The following CD3G variants were observed in gnomAD, a reference collection of about 807,000 sequenced individuals.
The protein encoded by CD3G is T-cell surface glycoprotein CD3 gamma chain.
A neutral mutation model predicts 28.3 loss-of-function variants in CD3G; 24 were observed. The ratio of observed to expected loss-of-function variants is 0.85; its 90% CI spans 0.61 to 1.19. The LOEUF (loss-of-function observed/expected upper bound fraction) is 1.19, where lower values mean the gene tolerates loss of function less well. Ranked by LOEUF, CD3G falls within the 50% of genes most tolerant of loss-of-function variation. The pLI, the probability that CD3G is intolerant of heterozygous loss-of-function variation, is 0.00. For synonymous variants in CD3G, 71 were observed against 75.9 expected (o/e 0.93, Z 0.34); for missense variants, 211 against 210.0 (o/e 1.00, Z -0.03).
intron 4 of CD3G, chr11:118,350,997 G>A (rs1163280176): frequency 1.1e-5 from 6 of 529,764 alleles, no homozygotes; most frequent in African/African-American, 2.0e-5. Context: ...GACCATCCTG[G>A]CTAGCACGGT....
At chr11:118,344,970 T>G (rs1205000523) in intron 1 of CD3G, among the ~76,000 whole-genome samples, 1 of 152,180 alleles carries the variant, frequency 6.6e-6, no homozygotes, top group Non-Finnish European at 1.5e-5. Context: ...ATAGTCTCAT[T>G]GGAGAGATTA....
At chr11:118,350,063 C>A (rs1948392565) in intron 3 of CD3G, 93 bp downstream of exon 3, 3 of 909,114 alleles carry the variant, frequency 3.3e-6, no homozygotes, top group African/African-American at 3.3e-5. Context: ...GGAAATAGAT[C>A]CTCAACAGTA....
chr11:118,346,587 G>A (rs900000493), intron 1 of CD3G, among the ~76,000 whole-genome samples: 5 of 152,136 alleles, frequency 3.3e-5, no homozygotes, highest in African/African-American at 1.2e-4. Flanking sequence ...AGGCTAGGGA[G>A]GGAGGATCAT....
chr11:118,346,752 G>A (rs1269947445), intron 1 of CD3G, among the ~76,000 whole-genome samples: 1 of 149,134 alleles, frequency 6.7e-6, no homozygotes, highest in Admixed American at 6.8e-5. Flanking sequence ...GCTTGAGGCT[G>A]CAGTGAGCCA....
At position 118,349,835 on chromosome 11, in the gene CD3G, G is replaced by C; in HGVS notation, c.172G>C (p.Asp58His). The C allele has an allele frequency of 6.2e-7, 1 of 1,614,108 alleles. No individual in the cohort carries two copies. The change falls in exon 3 of 7, where the codon GAT (aspartate) becomes CAT (histidine). Residue 58 changes from aspartate (D) to histidine (H), a missense_variant. Transcript: ENST00000532917. The part of the protein sequence containing the change: ...AEAKNITWFK[D>H]GKMIGFLTED... ...AGCCAAAAATATCACATGGTTTAAAGATGGGAAGATGATCGGCTTCCTAAC... is the reference window on the plus strand; with the variant it reads ...AGCCAAAAATATCACATGGTTTAAACATGGGAAGATGATCGGCTTCCTAAC...
In CD3G at chr11:118,354,928, T is replaced by C. The variant is rs1386241870; in HGVS notation, c.*1828T>C. 6.6e-6 allele frequency: 1 copy of C among 152,220 alleles called. No homozygotes were observed. Among genetic ancestry groups the C allele is most frequent in the Non-Finnish European group, 1.5e-5 (1 of 68,026 alleles). 9.4% of individuals were successfully genotyped at this position (152,220 alleles called of 1,614,324 possible). On this transcript the variant is annotated 3_prime_UTR_variant, in exon 7 of 7. Transcript: ENST00000532917. ...GTTTGTTTTTCTTAATGGTGTCTTT[T>C]GAAGTGCAAAAGGTTTGAATTTTGA... is the stretch of plus-strand genomic sequence containing the variant.
rs1397269660 is a variant in CD3G at position 118,350,593 on chromosome 11, G to A, written c.349G>A (p.Gly117Ser). 1 of 1,614,062 alleles carries A rather than the reference G, an allele frequency of 6.2e-7. No homozygotes were observed. Among genetic ancestry groups the A allele is most frequent in the Non-Finnish European group, 8.5e-7 (1 of 1,179,982 alleles). ...CIELNAATIS[G>S]FLFAEIVSIF... ...TGAACTAAATGCAGCCACCATATCT[G>A]GCTTTCTCTTTGCTGAAATCGTCAG... Residue 117 changes from glycine (G) to serine (S), a missense_variant, in exon 4 of 7, where the codon GGC (glycine) becomes AGC (serine). Transcript: ENST00000532917.
chr11:118,349,291 C>T, intron 2 of CD3G: 3 of 1,427,736 alleles, frequency 2.1e-6, no homozygotes, highest in Non-Finnish European at 2.7e-6. Flanking sequence ...TAGCTAGGGA[C>T]ACATCTCAAA....
chr11:118,352,179 G>A (rs1948415766), intron 5 of CD3G, among the ~76,000 whole-genome samples: 2 of 151,234 alleles, frequency 1.3e-5, no homozygotes, highest in Admixed American at 1.3e-4. Flanking sequence ...TTGTGCCACT[G>A]CACTCCAGCC....
intron 4 of CD3G, 66 bp downstream of exon 4, chr11:118,350,749 T>A (rs1038600365): frequency 1.9e-6 from 3 of 1,611,776 alleles, no homozygotes; most frequent in Non-Finnish European, 2.5e-6. Flanking sequence ...CCTACCATTA[T>A]GTACCCAATG....
At chr11:118,344,507 T>C (rs762228493) in intron 1 of CD3G, 29 bp downstream of exon 1, 1 of 1,542,478 alleles carries the variant, frequency 6.5e-7, no homozygotes, top group Non-Finnish European at 8.8e-7. Context: ...TCTGGAAGCC[T>C]GGGGAAGGGC....
Position 118,354,305 on chromosome 11 carries a change from T to TTTTTTTTC in CD3G, c.*1212_*1213insCTTTTTTT. 1.6e-5 allele frequency: 1 copy of TTTTTTTTC among 63,882 alleles called. No individual in the cohort carries two copies. The highest frequency in any genetic ancestry group is 3.3e-5 in the Non-Finnish European group (1 of 30,550). 4.0% of individuals were successfully genotyped at this position (63,882 alleles called of 1,614,324 possible). Reference sequence around the variant, plus strand: ...TTTTTCTTTTCTTTTCTTTTTTTTCTTTTTTTTTTTTTTTTGAAGTGGAAT... The same window carrying TTTTTTTTC: ...TTTTTCTTTTCTTTTCTTTTTTTTCTTTTTTTTCTTTTTTTTTTTTTTTGAAGTGGAAT... On this transcript the variant is annotated 3_prime_UTR_variant, in exon 7 of 7. Transcript: ENST00000532917.
At chr11:118,350,149 A>G (rs1413159131) in intron 3 of CD3G, 179 bp downstream of exon 3, 3 of 634,612 alleles carry the variant, frequency 4.7e-6, no homozygotes, top group Non-Finnish European at 8.3e-6. Context: ...CCCTATTGAA[A>G]AACTACAGCC....
In CD3G at chr11:118,350,597, T is replaced by C. The variant is rs781239764; in HGVS notation, c.353T>C (p.Phe118Ser). ...CTAAATGCAGCCACCATATCTGGCT[T>C]TCTCTTTGCTGAAATCGTCAGCATT... ...IELNAATISG[F>S]LFAEIVSIFV... Residue 118 changes from phenylalanine to serine, a missense_variant, in exon 4 of 7, where the codon TTT becomes TCT. Coordinates refer to ENST00000532917, the MANE Select transcript of CD3G (RefSeq NM_000073.3). 35 of 1,614,042 alleles carry C rather than the reference T, an allele frequency of 2.2e-5. No homozygotes were observed. The highest frequency in any genetic ancestry group is 3.0e-5 in the Non-Finnish European group (35 of 1,180,026).
intron 5 of CD3G, 73 bp from the exon 6 acceptor site, chr11:118,352,331 A>C: frequency 4.7e-6 from 6 of 1,264,972 alleles, no homozygotes; most frequent in Non-Finnish European, 7.0e-6. Flanking sequence ...TATAAAAAAC[A>C]TTCAATAAAC....
At chr11:118,349,374 T>C in intron 2 of CD3G, 2 of 1,063,324 alleles carry the variant, frequency 1.9e-6, no homozygotes, top group South Asian at 1.7e-5. Flanking sequence ...TCCTTCTCTT[T>C]AGTTCATCTA....
In CD3G at chr11:118,353,281, A is replaced by G. The variant is rs1383334522; in HGVS notation, c.*181A>G. ...CAAATTTGGGGGTTTCTCAAATAAA[A>G]TAAAAATAAAAACAAATACTGTGTT... On this transcript the variant is annotated 3_prime_UTR_variant, in exon 7 of 7. Transcript: ENST00000532917. 6.6e-6 allele frequency: 1 copy of G among 152,168 alleles called. No individual in the cohort carries two copies. The highest frequency in any genetic ancestry group is 1.5e-5 in the Non-Finnish European group (1 of 68,024). 9.4% of individuals were successfully genotyped at this position (152,168 alleles called of 1,614,324 possible).
At chr11:118,346,069 T>C (rs1365736509) in intron 1 of CD3G, among the ~76,000 whole-genome samples, 1 of 152,150 alleles carries the variant, frequency 6.6e-6, no homozygotes, top group African/African-American at 2.4e-5. Context: ...GGATCCAGCT[T>C]GGACACCAAT....
At position 118,351,675 on chromosome 11, in the gene CD3G, A is replaced by C. The variant is rs199859002; in HGVS notation, c.483+4A>C. ...GCCCAATGACCAGCTCTACCAGGTA[A>C]GGGGATGAAGAATAAAAGAGACATT... On this transcript the variant is annotated splice_donor_region_variant and intron_variant, in intron 5 of 6. Transcript: ENST00000532917. 1 of 1,613,760 alleles carries C rather than the reference A, an allele frequency of 6.2e-7. No individual in the cohort carries two copies. The highest frequency in any genetic ancestry group is 8.5e-7 in the Non-Finnish European group (1 of 1,179,708).
Sources: gnomAD v4.1 joint callset for allele counts (sites outside exome capture counted in the v4.1 genomes callset) on GRCh38, gnomAD v4.1.1 for gene constraint, MANE v1.5 for transcripts, NCBI Gene and HGNC (gene_info 2026-07-23, HGNC 2026-07-21) for gene names.